Variants in GNG2 observed in about 807,000 individuals in gnomAD.
GNG2 encodes guanine nucleotide-binding protein G(I)/G(S)/G(O) subunit gamma-2.
Under a neutral mutation model 5.5 loss-of-function variants are expected in GNG2, and 5 were observed. The observed-to-expected ratio is 0.91, with a 90% CI of 0.48 to 1.92. The LOEUF (loss-of-function observed/expected upper bound fraction) is 1.92, where lower values mean the gene tolerates loss of function less well. GNG2 is among the 30% of genes most tolerant of loss of function. The probability of loss-of-function intolerance (pLI) is 0.01; values close to 1 mark genes in which losing one functional copy is unlikely to be tolerated. For synonymous variants in GNG2, 28 were observed against 32.0 expected (o/e 0.88, Z 0.42); for missense variants, 55 against 88.4 (o/e 0.62, Z 1.52).
At chr14:51,936,344 C>A (rs1888001836) in intron 2 of GNG2, among the ~76,000 whole-genome samples, 2 of 152,102 alleles carry the variant, frequency 1.3e-5, no homozygotes, top group Non-Finnish European at 2.9e-5. Context: ...TGGAAGTGCT[C>A]TTGGTACCTG....
At chr14:51,844,562 T>A (rs758647283) in intron 2 of GNG2, among the ~76,000 whole-genome samples, 1 of 152,066 alleles carries the variant, frequency 6.6e-6, no homozygotes, top group East Asian at 1.9e-4. Flanking sequence ...AGAGTTAATA[T>A]GGTCAGATGG....
At chr14:51,965,169 A>G (rs1889823312) in intron 3 of GNG2, among the ~76,000 whole-genome samples, 1 of 152,210 alleles carries the variant, frequency 6.6e-6, no homozygotes, top group Non-Finnish European at 1.5e-5. Context: ...TGATGTCATC[A>G]TGTGGGCATG....
chr14:51,880,986 A>C (rs1009554439), intron 2 of GNG2, among the ~76,000 whole-genome samples: 1 of 151,126 alleles, frequency 6.6e-6, no homozygotes, highest in Non-Finnish European at 1.5e-5. Context: ...AAAAAAAAAA[A>C]AACCCTGAGA....
chr14:51,844,371 G>C (rs1178686617), intron 2 of GNG2, among the ~76,000 whole-genome samples: 1 of 152,134 alleles, frequency 6.6e-6, no homozygotes, highest in Non-Finnish European at 1.5e-5. Context: ...GCTGGGTAGG[G>C]GGCAGATCTT....
intron 2 of GNG2, among the ~76,000 whole-genome samples, chr14:51,841,987 A>G (rs1488380308): frequency 6.6e-6 from 1 of 152,234 alleles, no homozygotes; most frequent in African/African-American, 2.4e-5. Context: ...GTCTCTGAAC[A>G]TTCTGTCTAA....
intron 1 of GNG2, among the ~76,000 whole-genome samples, chr14:51,874,997 G>A (rs1394178298): frequency 6.6e-6 from 1 of 152,060 alleles, no homozygotes; most frequent in Non-Finnish European, 1.5e-5. Context: ...GAAAAATGTG[G>A]AAATTATTGA....
intron 2 of GNG2, 143 bp downstream of exon 2, chr14:51,877,800 A>G: frequency 4.4e-6 from 1 of 228,406 alleles, no homozygotes; most frequent in East Asian, 1.3e-4. Context: ...CAATATTGAC[A>G]TGACTTCAGA....
intron 2 of GNG2, among the ~76,000 whole-genome samples, chr14:51,928,322 G>A (rs1411079027): frequency 1.3e-5 from 2 of 151,924 alleles, no homozygotes; most frequent in African/African-American, 2.4e-5. Context: ...GGTGGCTCAC[G>A]CCTGTAATTT....
intron 2 of GNG2, among the ~76,000 whole-genome samples, chr14:51,854,452 G>A (rs535800874): frequency 6.6e-6 from 1 of 152,118 alleles, no homozygotes; most frequent in African/African-American, 2.4e-5. Flanking sequence ...CTCTCTCTGG[G>A]CACAACTGTT....
chr14:51,961,400 G>A (rs1170281525), intron 3 of GNG2, among the ~76,000 whole-genome samples: 1 of 152,136 alleles, frequency 6.6e-6, no homozygotes, highest in African/African-American at 2.4e-5. Flanking sequence ...GATTATGTTT[G>A]AGAACTCCTT....
intron 1 of GNG2, among the ~76,000 whole-genome samples, chr14:51,867,080 G>A (rs1241858580): frequency 1.3e-5 from 2 of 152,122 alleles, no homozygotes; most frequent in African/African-American, 4.8e-5. Context: ...CGCACACAAA[G>A]TAATTAAGAA....
At chr14:51,827,849 G>C in intron 2 of GNG2, 1 of 645,270 alleles carries the variant, frequency 1.5e-6, no homozygotes, top group South Asian at 1.8e-5. Context: ...CTGCAAAGAG[G>C]AAAACGTTGA....
intron 3 of GNG2, among the ~76,000 whole-genome samples, chr14:51,964,775 G>T (rs986785345): frequency 5.9e-5 from 9 of 152,166 alleles, no homozygotes; most frequent in African/African-American, 2.2e-4. Flanking sequence ...ACTCCGGAAG[G>T]TGAGGCGGGA....
chr14:51,855,370 C>T (rs970045303), intron 2 of GNG2, among the ~76,000 whole-genome samples: 2 of 152,200 alleles, frequency 1.3e-5, no homozygotes, highest in African/African-American at 4.8e-5. Flanking sequence ...TGCCCACCCA[C>T]CCCCTGACTC....
rs1243686023 is a variant in GNG2 at position 51,931,389 on chromosome 14, T to C, written c.-29-19261T>C. On this transcript the variant is annotated intron_variant, in intron 2 of 3. Transcript: ENST00000556766. The stretch of plus-strand genomic sequence containing the variant: ...CAGGTCTGGAAAAGAAGAGTTTGGT[T>C]TGGGACATGTCAAGTGAGAGGCGCT... Among the ~76,000 whole-genome samples the C allele has an allele frequency of 2.6e-5, 4 of 152,062 alleles. No individual in the cohort carries two copies. The East Asian group carries it at 7.7e-4, about 29-fold the overall frequency.
In GNG2 at chr14:51,872,310, T is replaced by TTGTGTGTG. The variant is rs35147124; in HGVS notation, c.-70-5289_-70-5282dup. 6.6e-4 allele frequency among the ~76,000 whole-genome samples: 99 copies of TTGTGTGTG among 149,988 alleles called. 1 individual carries two copies. Among genetic ancestry groups the TTGTGTGTG allele is most frequent in the East Asian group, 3.9e-3 (20 of 5,098 alleles). On this transcript the variant is annotated intron_variant, in intron 1 of 3. Coordinates refer to ENST00000556766, the MANE Select transcript of GNG2 (RefSeq NM_053064.5). ...GATACAATAATTTTAAATGACTATT[T>TTGTGTGTG]TGTGTGTGTGTGTGTGTGTGTGTGT...
chr14:51,924,202 A>C (rs973196200), intron 2 of GNG2, among the ~76,000 whole-genome samples: 7 of 152,218 alleles, frequency 4.6e-5, no homozygotes, highest in Non-Finnish European at 1.0e-4. Flanking sequence ...AATTCACTTG[A>C]GCCCGGTTTC....
At chr14:51,828,732 T>C (rs985739695) in intron 2 of GNG2, among the ~76,000 whole-genome samples, 2 of 152,058 alleles carry the variant, frequency 1.3e-5, no homozygotes, top group Non-Finnish European at 2.9e-5. Flanking sequence ...TGGTGAAATT[T>C]GTTTCTGACT....
At chr14:51,868,913 A>C (rs1399645814) in intron 1 of GNG2, among the ~76,000 whole-genome samples, 1 of 152,230 alleles carries the variant, frequency 6.6e-6, no homozygotes, top group African/African-American at 2.4e-5. Context: ...CACTGCAATC[A>C]GCACTACACT....
Sources: gnomAD v4.1 joint callset for allele counts (sites outside exome capture counted in the v4.1 genomes callset) on GRCh38, gnomAD v4.1.1 for gene constraint, MANE v1.5 for transcripts, NCBI Gene and HGNC (gene_info 2026-07-23, HGNC 2026-07-21) for gene names.